The following IBTK variants were observed in gnomAD, a reference collection of about 807,000 sequenced individuals.
IBTK encodes the protein BTK-binding protein.
Under a neutral mutation model 154.9 loss-of-function variants are expected in IBTK, and 83 were observed. That is an observed-to-expected ratio of 0.54 (90% CI 0.45 to 0.64). The LOEUF (loss-of-function observed/expected upper bound fraction) is 0.64, where lower values mean the gene tolerates loss of function less well. IBTK is among the 30% of genes least tolerant of loss of function. IBTK has a pLI of 0.00. For synonymous variants in IBTK, 515 were observed against 536.1 expected (o/e 0.96, Z 0.54); for missense variants, 1,332 against 1,584.6 (o/e 0.84, Z 2.71).
intron 19 of IBTK, 28 bp downstream of exon 19, chr6:82,201,394 C>T (rs375481408): frequency 1.2e-5 from 19 of 1,543,040 alleles, no homozygotes; most frequent in Middle Eastern, 1.7e-4. Context: ...ATATTATAGC[C>T]GCGAAAATCT....
At position 82,240,812 on chromosome 6, in the gene IBTK, C is replaced by T. The variant is rs1028186787; in HGVS notation, c.-326G>A. ...GGAACTCCCCCTCCACACTGTCTGA[C>T]CCTTTTAAATATCCATAATTGCAAG... On this transcript the variant is annotated 5_prime_UTR_variant, in exon 2 of 29. Transcript: ENST00000306270. The T allele has an allele frequency of 2.4e-6, 1 of 422,050 alleles. No individual in the cohort carries two copies. Among genetic ancestry groups the T allele is most frequent in the African/African-American group, 2.1e-5 (1 of 48,762 alleles). The allele number at this position is 422,050 out of a possible 1,614,324, so 26.1% of individuals were successfully genotyped here.
chr6:82,214,303 T>A lies in IBTK; in HGVS notation c.2128A>T (p.Asn710Tyr). ...SKPKSCKKGK[N>Y]IREDDPVRML... ...CTTACAGGATCATCTTCCCTAATAT[T>A]TTTTCCTTTTTTACAAGATTTAGGT... Residue 710 changes from asparagine to tyrosine, a missense_variant, in exon 12 of 29, where the codon AAT (asparagine) becomes TAT (tyrosine). Physicochemically the swap from Asn to Tyr is moderately radical, Grantham distance 143. This residue lies in a region of IBTK where 1,134 missense variants were observed against 1,274.7 expected (regional missense o/e 0.89). Coordinates refer to ENST00000306270, the MANE Select transcript of IBTK (RefSeq NM_015525.4). 6.2e-7 allele frequency: 1 copy of A among 1,613,826 alleles called. No homozygotes were observed. Among genetic ancestry groups the A allele is most frequent in the South Asian group, 1.1e-5 (1 of 91,028 alleles).
chr6:82,172,487 C>A lies in IBTK; in HGVS notation c.3823G>T (p.Ala1275Ser), dbSNP rs200943020. 1.2e-6 allele frequency: 2 copies of A among 1,613,328 alleles called. No individual in the cohort carries two copies. Among genetic ancestry groups the A allele is most frequent in the East Asian group, 4.5e-5 (2 of 44,846 alleles). The change falls in exon 28 of 29, where the codon GCT becomes TCT. Residue 1275 changes from alanine (A) to serine (S), a missense_variant. Ala to Ser is a moderately conservative substitution (Grantham distance 99). Around this residue, in one of 3 missense-constraint regions of IBTK, gnomAD observed 1,134 missense variants for 1,274.7 expected, o/e 0.89. Transcript: ENST00000306270. Reference protein sequence around the residue: ...PNPWLSSSVTAPSMVAPVTFA... With the variant: ...PNPWLSSSVTSPSMVAPVTFA... ...GTGACTGGGGCTACCATGGATGGAG[C>A]AGTCACTGAAGAAGATAGCCAGGGA...
Position 82,179,261 on chromosome 6 carries a change from T to C in IBTK, c.3725+2618A>G, listed in dbSNP as rs181617274. On this transcript the variant is annotated intron_variant, in intron 26 of 28. Transcript: ENST00000306270. Reference sequence around the variant, plus strand: ...AAAGACACAAATTCTTCCTATTTACTGAGGAAGAAGATTCCGAAAAAACAG... The same window carrying C: ...AAAGACACAAATTCTTCCTATTTACCGAGGAAGAAGATTCCGAAAAAACAG... Among the ~76,000 whole-genome samples the C allele has an allele frequency of 3.0e-3, 454 of 152,360 alleles. 1 individual carries two copies. Among genetic ancestry groups the C allele is most frequent in the Non-Finnish European group, 5.2e-3 (357 of 68,032 alleles).
chr6:82,172,228 G>A, intron 28 of IBTK, 152 bp downstream of exon 28: 1 of 633,202 alleles, frequency 1.6e-6, no homozygotes, highest in Non-Finnish European at 2.7e-6. Flanking sequence ...TACATACACT[G>A]CTAGATGCCT....
intron 25 of IBTK, among the ~76,000 whole-genome samples, chr6:82,184,366 T>C (rs1035374834): frequency 6.6e-6 from 1 of 152,166 alleles, no homozygotes; most frequent in African/African-American, 2.4e-5. Flanking sequence ...ATAATTGAAA[T>C]TGTTTTATAT....
chr6:82,194,648 G>C lies in IBTK; in HGVS notation c.3175-6C>G. ...ACATACGGTTTGACTTTCGCCTGGG[G>C]AGAGAAAAAAAATAAAAAAAGTTAA... On this transcript the variant is annotated splice_polypyrimidine_tract_variant and splice_region_variant and intron_variant, in intron 22 of 28. Transcript: ENST00000306270. 1 of 1,553,876 alleles carries C rather than the reference G, an allele frequency of 6.4e-7. No homozygotes were observed. Among genetic ancestry groups the C allele is most frequent in the Non-Finnish European group, 8.7e-7 (1 of 1,154,498 alleles).
intron 1 of IBTK, among the ~76,000 whole-genome samples, chr6:82,242,728 T>A (rs1331045060): frequency 7.1e-6 from 1 of 141,072 alleles, no homozygotes; most frequent in Non-Finnish European, 1.6e-5. Flanking sequence ...GGGCGGACCA[T>A]GAGGTCAAAA....
chr6:82,222,537 A>G (rs545610449), intron 8 of IBTK, among the ~76,000 whole-genome samples: 45 of 152,350 alleles, frequency 3.0e-4, no homozygotes, highest in African/African-American at 1.1e-3. Context: ...TAGAAGTTGA[A>G]TACTTTGGAA....
chr6:82,234,025 A>G lies in IBTK; in HGVS notation c.418+134T>C, dbSNP rs1582253595. Reference sequence around the variant, plus strand: ...ATTACAGGTGTGAGCCGCAGCGCCCAGCCCATTTGTGAAATTTTCTTACCA... The same window carrying G: ...ATTACAGGTGTGAGCCGCAGCGCCCGGCCCATTTGTGAAATTTTCTTACCA... On this transcript the variant is annotated intron_variant, in intron 3 of 28. Coordinates refer to ENST00000306270, the MANE Select transcript of IBTK (RefSeq NM_015525.4). 11 of 426,372 alleles carry G rather than the reference A, an allele frequency of 2.6e-5. No individual in the cohort carries two copies. The East Asian group carries it at 4.1e-4, about 16-fold the overall frequency. 26.4% of individuals were successfully genotyped at this position (426,372 alleles called of 1,614,324 possible).
chr6:82,181,942 C>T lies in IBTK; in HGVS notation c.3662G>A (p.Gly1221Asp), dbSNP rs370262677. 6.2e-6 allele frequency: 10 copies of T among 1,600,214 alleles called. No homozygotes were observed. In the East Asian group the frequency reaches 9.0e-5, roughly 14 times the overall value. Residue 1221 changes from glycine to aspartate, a missense_variant, in exon 26 of 29, where the codon GGC (glycine) becomes GAC (aspartate). Gly to Asp is a moderately conservative substitution (Grantham distance 94). Transcript: ENST00000306270. ...AAAAGAAACTTTTTTGACATGATCG[C>T]CTGAACTATGGCTAGTAACAGACTT... is the stretch of plus-strand genomic sequence containing the variant. ...EKKSVTSHSS[G>D]DHVKKVSFKG...
intron 16 of IBTK, among the ~76,000 whole-genome samples, chr6:82,208,122 CAAAA>C (rs531941941): frequency 9.4e-6 from 1 of 106,178 alleles, no homozygotes; most frequent in Non-Finnish European, 2.0e-5. Flanking sequence ...ACTCTCACCA[CAAAA>C]AAAAAAAAAA....
chr6:82,245,724 A>T (rs1771116988), intron 1 of IBTK, among the ~76,000 whole-genome samples: 1 of 152,166 alleles, frequency 6.6e-6, no homozygotes. Flanking sequence ...ACACACAAGG[A>T]TAGACAGGAT....
chr6:82,179,525 T>C (rs1200402906), intron 26 of IBTK, among the ~76,000 whole-genome samples: 4 of 152,134 alleles, frequency 2.6e-5, no homozygotes, highest in Admixed American at 6.5e-5. Flanking sequence ...ATTAAATGGA[T>C]AGTGTAGAAA....
rs1770518245 is a variant in IBTK, at chr6:82,231,855, T to A, written c.419-13A>T. On this transcript the variant is annotated splice_polypyrimidine_tract_variant and intron_variant, in intron 3 of 28. Coordinates refer to ENST00000306270, the MANE Select transcript of IBTK (RefSeq NM_015525.4). ...ACATCTGTAGGATCTAAAATAAAAA[T>A]TAGTTTTTATACTTTTTTATATTTT... 5 of 1,476,996 alleles carry A rather than the reference T, an allele frequency of 3.4e-6. No homozygotes were observed. The South Asian group carries it at 3.9e-5, about 11-fold the overall frequency. 91.5% of individuals were successfully genotyped at this position (1,476,996 alleles called of 1,614,324 possible). A position where few individuals can be genotyped will look rare whatever the true frequency, so the allele number is the denominator to read the frequency against.
chr6:82,193,605 T>C lies in IBTK; in HGVS notation c.3338+874A>G, dbSNP rs142358596. Among the ~76,000 whole-genome samples the C allele has an allele frequency of 7.9e-5, 12 of 152,358 alleles. No individual in the cohort carries two copies. In the East Asian group the frequency reaches 2.1e-3, roughly 27 times the overall value. On this transcript the variant is annotated intron_variant, in intron 23 of 28. Coordinates refer to ENST00000306270, the MANE Select transcript of IBTK (RefSeq NM_015525.4). ...TAGACTTTATCAACCATTGTAGGCA[T>C]ATAAACATGAAGCACAAGCTTAATT...
chr6:82,197,744 G>C (rs922576998), intron 21 of IBTK, among the ~76,000 whole-genome samples: 9 of 152,128 alleles, frequency 5.9e-5, no homozygotes, highest in Admixed American at 3.9e-4. Context: ...ACTCTCAAAA[G>C]TCAGTTAGAA....
intron 19 of IBTK, 149 bp from the exon 20 acceptor site, chr6:82,200,857 T>A: frequency 1.3e-6 from 1 of 784,896 alleles, no homozygotes; most frequent in Non-Finnish European, 1.8e-6. Flanking sequence ...CATCTTGGCC[T>A]CCCAAAATGC....
chr6:82,235,744 G>A (rs1770692618), intron 2 of IBTK, among the ~76,000 whole-genome samples: 1 of 152,126 alleles, frequency 6.6e-6, no homozygotes, highest in Non-Finnish European at 1.5e-5. Flanking sequence ...ATTCTGCGAG[G>A]TATCTGATAT....
Sources: gnomAD v4.1 joint callset for allele counts (sites outside exome capture counted in the v4.1 genomes callset) on GRCh38, gnomAD v4.1.1 for gene constraint, gnomAD v4.1.1 regional missense constraint, MANE v1.5 for transcripts, NCBI Gene and HGNC (gene_info 2026-07-23, HGNC 2026-07-21) for gene names.